Variants in NLRC5 observed in about 807,000 individuals in gnomAD.
The protein encoded by NLRC5 is NLR family CARD domain containing 5.
Under a neutral mutation model 206.9 loss-of-function variants are expected in NLRC5, and 114 were observed. The ratio of observed to expected loss-of-function variants is 0.55; its 90% confidence interval spans 0.47 to 0.64. The LOEUF is 0.64. Among genes scored for constraint, NLRC5 ranks in the 30% least tolerant of loss-of-function variants. The probability of loss-of-function intolerance (pLI) is 0.00; values close to 1 mark genes in which losing one functional copy is unlikely to be tolerated. For missense variants in NLRC5, 2,008 were observed against 2,305.5 expected (o/e 0.87, Z 2.64); for synonymous variants, 952 against 962.8 (o/e 0.99, Z 0.21).
At chr16:57,042,479 G>A (rs1055280905) in intron 19 of NLRC5, among the ~76,000 whole-genome samples, 2 of 152,070 alleles carry the variant, frequency 1.3e-5, no homozygotes, top group South Asian at 2.1e-4. Flanking sequence ...ACTCAAGCAG[G>A]GTGCCCAGGG....
chr16:57,015,925 C>CAAAAAAAA (rs35216159), intron 1 of NLRC5, among the ~76,000 whole-genome samples: 1 of 39,644 alleles, frequency 2.5e-5, no homozygotes, highest in Non-Finnish European at 4.8e-5. Context: ...AACTCCATCT[C>CAAAAAAAA]AAAAAAAAAA....
chr16:57,036,119 G>C lies in NLRC5; in HGVS notation c.2647G>C (p.Glu883Gln). The stretch of plus-strand genomic sequence containing the variant: ...TCTCAGCCTCTCAGGGAACCAGCTG[G>C]AAGATGAAGGCTGTCGGCTGATGGC... ...EEVDLSGNQLEDEGCRLMAEA... is the reference protein window; with the variant it reads ...EEVDLSGNQLQDEGCRLMAEA... Residue 883 changes from glutamate (E) to glutamine (Q), a missense_variant, in exon 14 of 49, where the codon GAA becomes CAA. Physicochemically the swap from Glu to Gln is conservative, Grantham distance 29. Transcript: ENST00000688547. 1 of 1,613,724 alleles carries C rather than the reference G, an allele frequency of 6.2e-7. No homozygotes were observed. The highest frequency in any genetic ancestry group is 8.5e-7 in the Non-Finnish European group (1 of 1,180,028).
chr16:56,993,922 C>A, intron 1 of NLRC5, among the ~76,000 whole-genome samples: 1 of 145,860 alleles, frequency 6.9e-6, no homozygotes, highest in African/African-American at 2.5e-5. Flanking sequence ...TATTGGGTCT[C>A]ATTTTCTTGT....
At chr16:57,052,368 G>A (rs1312322498) in intron 24 of NLRC5, 2 of 152,394 alleles carry the variant, frequency 1.3e-5, no homozygotes, top group South Asian at 4.1e-4. Context: ...AGCTACTTGG[G>A]AGGCTGAGGC....
intron 2 of NLRC5, among the ~76,000 whole-genome samples, chr16:57,018,602 C>T (rs1478117187): frequency 1.3e-5 from 2 of 152,184 alleles, no homozygotes; most frequent in Admixed American, 6.5e-5. Flanking sequence ...AGCAGCTGGG[C>T]TCTAAACCCC....
intron 2 of NLRC5, among the ~76,000 whole-genome samples, chr16:57,020,104 G>A (rs2052880): frequency 2.6e-5 from 4 of 151,448 alleles, no homozygotes; most frequent in Middle Eastern, 3.2e-3. Flanking sequence ...ATTTTATGTC[G>A]CTCAAATGTA....
At chr16:56,994,912 C>T (rs754218961) in intron 1 of NLRC5, among the ~76,000 whole-genome samples, 10 of 152,180 alleles carry the variant, frequency 6.6e-5, no homozygotes, top group Non-Finnish European at 1.2e-4. Flanking sequence ...CAGTGGCTCA[C>T]GCCTGTAATT....
chr16:57,070,428 G>C (rs2067507328), intron 37 of NLRC5, 107 bp from the exon 38 acceptor site: 2 of 922,840 alleles, frequency 2.2e-6, no homozygotes, highest in Admixed American at 3.9e-5. Context: ...TGCAGATGCA[G>C]AGTTGGCCTC....
Position 57,045,497 on chromosome 16 carries a change from G to C in NLRC5, c.3248+5G>C, listed in dbSNP as rs746379886. Reference sequence around the variant, plus strand: ...GAGAGGGGACAAGACAAGCAGGTGAGGAGGGAACGCTCGGGGTGGGGGAGT... The same window carrying C: ...GAGAGGGGACAAGACAAGCAGGTGACGAGGGAACGCTCGGGGTGGGGGAGT... On this transcript the variant is annotated splice_donor_5th_base_variant and intron_variant, in intron 21 of 48. Transcript: ENST00000688547. The C allele has an allele frequency of 8.1e-6, 13 of 1,613,836 alleles. No individual in the cohort carries two copies. The highest frequency in any genetic ancestry group is 1.1e-5 in the Non-Finnish European group (13 of 1,179,922).
At chr16:57,062,915 C>T (rs1365118010) in intron 32 of NLRC5, among the ~76,000 whole-genome samples, 3 of 152,088 alleles carry the variant, frequency 2.0e-5, no homozygotes, top group African/African-American at 4.8e-5. Context: ...CATTTCCCCC[C>T]TACCCCAGCC....
chr16:57,066,767 C>T (rs541255932), intron 34 of NLRC5, among the ~76,000 whole-genome samples, 153 bp downstream of exon 34: 3 of 152,298 alleles, frequency 2.0e-5, no homozygotes, highest in South Asian at 2.1e-4. Context: ...ACTTCTGAGG[C>T]GTTTCAGCCC....
At chr16:57,040,565 G>A (rs965481860) in intron 16 of NLRC5, 85 bp from the exon 17 acceptor site, 68 of 1,354,488 alleles carry the variant, frequency 5.0e-5, no homozygotes, top group East Asian at 2.5e-4. Flanking sequence ...GATAGGGCTC[G>A]ATGGTGGAAG....
intron 28 of NLRC5, chr16:57,058,451 C>T (rs2065972927): frequency 2.3e-6 from 1 of 426,636 alleles, no homozygotes; most frequent in African/African-American, 2.0e-5. Flanking sequence ...CCATCCCCAA[C>T]CAGCTGATGC....
intron 24 of NLRC5, among the ~76,000 whole-genome samples, chr16:57,053,898 T>C (rs545979017): frequency 5.9e-5 from 9 of 152,074 alleles, no homozygotes; most frequent in African/African-American, 2.2e-4. Context: ...CGAGTGGAAA[T>C]GAGAGTGGGA....
chr16:57,012,812 A>C (rs1238231478), intron 1 of NLRC5, among the ~76,000 whole-genome samples: 1 of 152,082 alleles, frequency 6.6e-6, no homozygotes, highest in Non-Finnish European at 1.5e-5. Context: ...TGGCTGGACC[A>C]TTTTACATTC....
rs747438810 is a variant in NLRC5 at position 57,025,516 on chromosome 16, G to A, written c.573G>A (p.Pro191=). The change falls in exon 6 of 49, where the codon CCG becomes CCA. Residue 191 remains proline, a synonymous_variant. Transcript: ENST00000688547. ...LRRATASLDT[P]EGAIMGDVKV... ...GGGCCACAGCATCCTTAGACACTCC[G>A]GAGGGGGCCATTATGGGGGACGTCA... is the stretch of plus-strand genomic sequence containing the variant. 11 of 1,613,494 alleles carry A rather than the reference G, an allele frequency of 6.8e-6. No homozygotes were observed. The highest frequency in any genetic ancestry group is 5.5e-5 in the South Asian group (5 of 91,012).
Position 57,034,246 on chromosome 16 carries a change from A to T in NLRC5, c.2622A>T (p.Glu874Asp). The change falls in exon 13 of 49, where the codon GAA becomes GAT. Residue 874 changes from glutamate (E) to aspartate (D), a missense_variant. By Grantham distance (45) the Glu-to-Asp change is conservative. Coordinates refer to ENST00000688547, the MANE Select transcript of NLRC5 (RefSeq NM_001384950.1). Reference protein sequence around the residue: ...ALLQEGPHLEEVDLSGNQLED... With the variant: ...ALLQEGPHLEDVDLSGNQLED... ...TCCAGGAAGGCCCTCACCTGGAGGA[A>T]GTGGAGTGAGTATCACGGGAAGCCC... 3.3e-6 allele frequency: 5 copies of T among 1,503,940 alleles called. No individual in the cohort carries two copies. The highest frequency in any genetic ancestry group is 4.5e-6 in the Non-Finnish European group (5 of 1,110,734). 93.2% of individuals were successfully genotyped at this position (1,503,940 alleles called of 1,614,324 possible).
chr16:57,078,777 G>A (rs2068760994), intron 43 of NLRC5, among the ~76,000 whole-genome samples: 1 of 152,140 alleles, frequency 6.6e-6, no homozygotes, highest in Admixed American at 6.5e-5. Flanking sequence ...GGCTGGTGCT[G>A]GGACTTTTAT....
At position 57,025,605 on chromosome 16, in the gene NLRC5, C is replaced by T. The variant is rs144514123; in HGVS notation, c.662C>T (p.Pro221Leu). Reference sequence around the variant, plus strand: ...TTCAACACCAGGGTTAACAAGGGCCCGAGGGTGACCGTGCTTTTGGGGAAG... The same window carrying T: ...TTCAACACCAGGGTTAACAAGGGCCTGAGGGTGACCGTGCTTTTGGGGAAG... ...DLFNTRVNKG[P>L]RVTVLLGKAG... Residue 221 changes from proline (P) to leucine (L), a missense_variant, in exon 6 of 49, where the codon CCG becomes CTG. Transcript: ENST00000688547. 6.5e-5 allele frequency: 105 copies of T among 1,614,010 alleles called. 1 individual carries two copies. The highest frequency in any genetic ancestry group is 1.5e-4 in the Admixed American group (9 of 59,998).
Sources: gnomAD v4.1 joint callset for allele counts (sites outside exome capture counted in the v4.1 genomes callset) on GRCh38, gnomAD v4.1.1 for gene constraint, MANE v1.5 for transcripts, NCBI Gene and HGNC (gene_info 2026-07-23, HGNC 2026-07-21) for gene names.